The following GFM2 variants were observed in gnomAD, a reference collection of about 807,000 sequenced individuals.
GFM2 encodes the protein ribosome-releasing factor 2, mitochondrial.
In GFM2, 72 loss-of-function variants were observed where a neutral mutation model predicts 95.4. The observed-to-expected ratio is 0.76, with a 90% CI of 0.62 to 0.92. GFM2 has a LOEUF of 0.92. Among genes scored for constraint, GFM2 ranks in the 40% least tolerant of loss-of-function variants. GFM2 has a pLI of 0.00. For missense variants in GFM2, 825 were observed against 924.1 expected (o/e 0.89, Z 1.39); for synonymous variants, 276 against 317.5 (o/e 0.87, Z 1.39).
chr5:74,757,087 T>C (rs1382498451), intron 5 of GFM2, among the ~76,000 whole-genome samples: 1 of 152,018 alleles, frequency 6.6e-6, no homozygotes, highest in African/African-American at 2.4e-5. Flanking sequence ...AAAATAAGCC[T>C]TAGGGGAGAA....
chr5:74,740,095 C>A lies in GFM2; in HGVS notation c.973G>T (p.Val325Leu). Residue 325 changes from valine (V) to leucine (L), a missense_variant, in exon 12 of 21, where the codon GTG (valine) becomes TTG (leucine). Transcript: ENST00000296805. ...AGGGCACTTCCACAAAGCACAGGCACTGCTGTCTGAGCTAGTGTCACTCTA... is the reference window on the plus strand; with the variant it reads ...AGGGCACTTCCACAAAGCACAGGCAATGCTGTCTGAGCTAGTGTCACTCTA... ...IHRVTLAQTA[V>L]PVLCGSALKN... 1 of 1,607,106 alleles carries A rather than the reference C, an allele frequency of 6.2e-7. No individual in the cohort carries two copies. The highest frequency in any genetic ancestry group is 8.5e-7 in the Non-Finnish European group (1 of 1,177,198).
intron 5 of GFM2, among the ~76,000 whole-genome samples, chr5:74,755,630 A>T (rs1429653086): frequency 6.6e-6 from 1 of 152,186 alleles, no homozygotes; most frequent in Non-Finnish European, 1.5e-5. Flanking sequence ...CCTAGAGGAG[A>T]TGGATAAATT....
At chr5:74,765,402 A>G (rs1744517017) in intron 1 of GFM2, among the ~76,000 whole-genome samples, 1 of 152,190 alleles carries the variant, frequency 6.6e-6, no homozygotes, top group African/African-American at 2.4e-5. Context: ...AACGAATACA[A>G]TACATAGTCT....
intron 5 of GFM2, among the ~76,000 whole-genome samples, chr5:74,753,595 T>A (rs1743827143): frequency 6.6e-6 from 1 of 151,918 alleles, no homozygotes; most frequent in Non-Finnish European, 1.5e-5. Context: ...AGACTCCATC[T>A]CAAAAAGAGA....
At chr5:74,745,606 C>T in intron 10 of GFM2, 72 bp downstream of exon 10, 1 of 1,299,550 alleles carries the variant, frequency 7.7e-7, no homozygotes, top group Non-Finnish European at 1.1e-6. Context: ...CCGAGAGATG[C>T]TAAAGTATGA....
chr5:74,765,375 A>C (rs1276872961), intron 1 of GFM2, among the ~76,000 whole-genome samples: 1 of 152,226 alleles, frequency 6.6e-6, no homozygotes, highest in Non-Finnish European at 1.5e-5. Context: ...CAGGGGATAC[A>C]GACAACAAAC....
At chr5:74,764,929 G>A (rs1273297132) in intron 1 of GFM2, 2 of 191,258 alleles carry the variant, frequency 1.0e-5, no homozygotes, top group African/African-American at 2.3e-5. Flanking sequence ...GGAACTACAG[G>A]CATGTGCCAC....
intron 7 of GFM2, among the ~76,000 whole-genome samples, chr5:74,748,931 A>AT (rs1177178667): frequency 5.4e-5 from 8 of 147,026 alleles, no homozygotes; most frequent in African/African-American, 1.5e-4. Flanking sequence ...AAAAAATAAA[A>AT]AAAATAAAAA....
intron 10 of GFM2, 123 bp from the exon 11 acceptor site, chr5:74,741,732 C>A: frequency 1.9e-6 from 1 of 516,674 alleles, no homozygotes; most frequent in Non-Finnish European, 3.5e-6. Flanking sequence ...CTAGGCCAAG[C>A]AACTCTTCAC....
chr5:74,724,473 TAA>T (rs113558874), intron 19 of GFM2, among the ~76,000 whole-genome samples: 47 of 133,166 alleles, frequency 3.5e-4, no homozygotes, highest in African/African-American at 5.6e-4. Context: ...CCTTGTCTCT[TAA>T]AAAAAAAAAA....
In GFM2 at chr5:74,740,141, C is replaced by A; in HGVS notation, c.931-4G>T. ...CTCTATGTATTGCAGTCTGTAGCTA[C>A]AGAGCAGAGATACAAATGAGCATTT... On this transcript the variant is annotated splice_region_variant and splice_polypyrimidine_tract_variant and intron_variant, in intron 11 of 20. Transcript: ENST00000296805. 4.4e-6 allele frequency: 7 copies of A among 1,593,374 alleles called. No individual in the cohort carries two copies. Among genetic ancestry groups the A allele is most frequent in the Non-Finnish European group, 6.0e-6 (7 of 1,172,930 alleles).
chr5:74,721,686 G>C lies in GFM2; in HGVS notation c.2309C>G (p.Thr770Arg). The change falls in exon 21 of 21, where the codon ACA becomes AGA. Residue 770 changes from threonine (T) to arginine (R), a missense_variant. Coordinates refer to ENST00000296805, the MANE Select transcript of GFM2 (RefSeq NM_032380.5). ...YQAMNPQDQN[T>R]LLNRRSGLT ...CAAACCACTTCTCCGGTTGAGCAGT[G>C]TATTTTGATCTTGAGGATTCATGGC... is the stretch of plus-strand genomic sequence containing the variant. The C allele has an allele frequency of 6.2e-7, 1 of 1,613,662 alleles. No homozygotes were observed. Among genetic ancestry groups the C allele is most frequent in the South Asian group, 1.1e-5 (1 of 90,888 alleles).
chr5:74,763,384 G>A (rs943989899), intron 2 of GFM2, among the ~76,000 whole-genome samples: 2 of 152,194 alleles, frequency 1.3e-5, no homozygotes, highest in Admixed American at 1.3e-4. Flanking sequence ...TGCATTAAGT[G>A]ATGACATTCT....
intron 20 of GFM2, 55 bp downstream of exon 20, chr5:74,722,324 T>C: frequency 7.4e-7 from 1 of 1,345,452 alleles, no homozygotes; most frequent in Non-Finnish European, 1.0e-6. Context: ...TTCATTGGCA[T>C]ATAATATCCC....
chr5:74,742,814 G>A (rs547654983), intron 10 of GFM2, among the ~76,000 whole-genome samples: 4 of 152,046 alleles, frequency 2.6e-5, no homozygotes, highest in South Asian at 2.1e-4. Flanking sequence ...TTACAGGCGC[G>A]TGCCACCACG....
intron 5 of GFM2, among the ~76,000 whole-genome samples, chr5:74,751,983 G>A (rs1210759469): frequency 6.6e-6 from 1 of 152,070 alleles, no homozygotes; most frequent in Admixed American, 6.6e-5. Context: ...TTATTATAAG[G>A]ATGAAAGGAG....
chr5:74,738,191 C>A, intron 14 of GFM2, 127 bp downstream of exon 14: 1 of 693,306 alleles, frequency 1.4e-6, no homozygotes, highest in African/African-American at 1.8e-5. Context: ...ACAAATATGC[C>A]ATAATATTCT....
intron 5 of GFM2, among the ~76,000 whole-genome samples, chr5:74,754,037 A>C (rs754327058): frequency 3.9e-5 from 6 of 152,202 alleles, no homozygotes; most frequent in Non-Finnish European, 2.9e-5. Flanking sequence ...CCTACCAGCT[A>C]GTAGGAATTT....
At chr5:74,730,128 A>C in intron 17 of GFM2, 132 bp downstream of exon 17, 1 of 826,178 alleles carries the variant, frequency 1.2e-6, no homozygotes, top group Non-Finnish European at 1.8e-6. Context: ...AAAACAAAAA[A>C]ACCCCACATA....
Sources: allele counts gnomAD v4.1 joint callset (sites outside exome capture counted in the v4.1 genomes callset), GRCh38; gene constraint gnomAD v4.1.1; transcripts MANE v1.5; gene names NCBI Gene and HGNC (gene_info 2026-07-23, HGNC 2026-07-21).